Variants in PSMB7 observed in about 807,000 individuals in gnomAD.
PSMB7 encodes the protein proteasome 20S subunit beta 7, also known as proteasome subunit beta type-7.
A neutral mutation model predicts 28.1 loss-of-function variants in PSMB7; 5 were observed. The observed-to-expected ratio is 0.18, with a 90% CI of 0.09 to 0.37. PSMB7 has a LOEUF of 0.37. Among genes scored for constraint, PSMB7 ranks in the 10% least tolerant of loss-of-function variants. The pLI is 1.00. For synonymous variants in PSMB7, 122 were observed against 123.7 expected (o/e 0.99, Z 0.09); for missense variants, 275 against 346.2 (o/e 0.79, Z 1.63).
chr9:124,403,515 G>C (rs1162975971), intron 5 of PSMB7, among the ~76,000 whole-genome samples: 2 of 152,174 alleles, frequency 1.3e-5, no homozygotes, highest in Non-Finnish European at 1.5e-5. Flanking sequence ...AGCAGAGTGA[G>C]AGCCTGTCAA....
Position 124,394,350 on chromosome 9 carries a change from A to G in PSMB7, c.512-9694T>C, listed in dbSNP as rs140123268. Among the ~76,000 whole-genome samples the G allele has an allele frequency of 4.5e-4, 68 of 152,378 alleles. 1 individual carries two copies. Among genetic ancestry groups the G allele is most frequent in the African/African-American group, 1.5e-3 (63 of 41,592 alleles). ...AGGCATCAAGCACTAGGTCATAAGCATATAAAGGCACTTTCCTTTAGCAGG... is the reference window on the plus strand; with the variant it reads ...AGGCATCAAGCACTAGGTCATAAGCGTATAAAGGCACTTTCCTTTAGCAGG... On this transcript the variant is annotated intron_variant, in intron 5 of 7. Coordinates refer to ENST00000259457, the MANE Select transcript of PSMB7 (RefSeq NM_002799.4).
intron 5 of PSMB7, among the ~76,000 whole-genome samples, chr9:124,392,762 A>C (rs1372280771): frequency 6.6e-6 from 1 of 152,164 alleles, no homozygotes; most frequent in Non-Finnish European, 1.5e-5. Context: ...GGCAGCAGGA[A>C]ATGGATTTCT....
intron 4 of PSMB7, among the ~76,000 whole-genome samples, chr9:124,409,471 G>A (rs1831003758): frequency 6.6e-6 from 1 of 152,100 alleles, no homozygotes; most frequent in African/African-American, 2.4e-5. Flanking sequence ...ACTACATATA[G>A]CCAGGATAGG....
intron 5 of PSMB7, among the ~76,000 whole-genome samples, chr9:124,404,031 A>G (rs1425293237): frequency 1.3e-5 from 2 of 152,006 alleles, no homozygotes; most frequent in Non-Finnish European, 2.9e-5. Context: ...AACTGGGACT[A>G]CAGGCACACA....
intron 6 of PSMB7, among the ~76,000 whole-genome samples, chr9:124,364,412 C>A (rs1352007999): frequency 6.6e-6 from 1 of 151,288 alleles, no homozygotes; most frequent in Non-Finnish European, 1.5e-5. Context: ...GGGAAAAGAA[C>A]CAAAAGAGAC....
At chr9:124,414,693 A>G in intron 2 of PSMB7, 149 bp downstream of exon 2, 1 of 675,674 alleles carries the variant, frequency 1.5e-6, no homozygotes, top group East Asian at 2.7e-5. Flanking sequence ...ACAAAACCTG[A>G]CAAAAGCAGT....
chr9:124,395,345 A>G (rs532764761), intron 5 of PSMB7, among the ~76,000 whole-genome samples: 65 of 152,188 alleles, frequency 4.3e-4, no homozygotes, highest in African/African-American at 1.5e-3. Context: ...AAATTAAAAA[A>G]AAAAAAATCA....
intron 5 of PSMB7, among the ~76,000 whole-genome samples, chr9:124,400,158 T>C (rs531415550): frequency 3.9e-5 from 6 of 152,244 alleles, no homozygotes; most frequent in African/African-American, 1.4e-4. Flanking sequence ...GGCCTTTCAG[T>C]GCTTAACCAC....
intron 5 of PSMB7, 70 bp downstream of exon 5, chr9:124,405,247 G>T: frequency 9.3e-7 from 1 of 1,072,338 alleles, no homozygotes; most frequent in Non-Finnish European, 1.4e-6. Context: ...AGAGAAAACA[G>T]ACCAGCTCTT....
chr9:124,410,481 T>C (rs1367408583), intron 4 of PSMB7, among the ~76,000 whole-genome samples: 1 of 152,148 alleles, frequency 6.6e-6, no homozygotes, highest in Non-Finnish European at 1.5e-5. Flanking sequence ...AAAAAAGCCT[T>C]ATATATAATG....
At chr9:124,413,881 G>C in intron 3 of PSMB7, 27 bp downstream of exon 3, 1 of 1,460,814 alleles carries the variant, frequency 6.8e-7, no homozygotes, top group Non-Finnish European at 9.6e-7. Flanking sequence ...GAAAATATAA[G>C]AGTTATTCAA....
chr9:124,375,534 CA>C (rs1458135613), intron 6 of PSMB7, among the ~76,000 whole-genome samples: 1 of 152,062 alleles, frequency 6.6e-6, no homozygotes, highest in Non-Finnish European at 1.5e-5. Context: ...TCCCCCCAGA[CA>C]AACGAGATAC....
rs752410080 is a variant in PSMB7, at chr9:124,415,405, A to G, written c.21T>C (p.Tyr7=). ...AAGAGAAGCCTCCAACTGGTGGAGC[A>G]TACACCGACACAGCCGCCATCTTCC... MAAVSV[Y]APPVGGFSFD... The change falls in exon 1 of 8, where the codon TAT becomes TAC. Residue 7 remains tyrosine, a synonymous_variant. Coordinates refer to ENST00000259457, the MANE Select transcript of PSMB7 (RefSeq NM_002799.4). The G allele has an allele frequency of 3.1e-6, 5 of 1,614,190 alleles. No individual in the cohort carries two copies. The South Asian group carries it at 4.4e-5, about 14-fold the overall frequency.
intron 3 of PSMB7, among the ~76,000 whole-genome samples, chr9:124,413,034 G>T (rs950417397): frequency 6.6e-6 from 1 of 151,472 alleles, no homozygotes; most frequent in Admixed American, 6.6e-5. Context: ...AAAGGTTTCA[G>T]GCTGGGCATG....
intron 7 of PSMB7, among the ~76,000 whole-genome samples, chr9:124,354,767 C>T (rs575217197): frequency 6.6e-6 from 1 of 152,226 alleles, no homozygotes; most frequent in Non-Finnish European, 1.5e-5. Flanking sequence ...ACGCTGGAAC[C>T]TTGGTGGCAG....
chr9:124,400,221 T>G (rs778263838), intron 5 of PSMB7, among the ~76,000 whole-genome samples: 2 of 152,088 alleles, frequency 1.3e-5, no homozygotes, highest in African/African-American at 4.8e-5. Context: ...GGGTAAGGGG[T>G]GCATTGCAAA....
At chr9:124,361,333 C>G (rs531384628) in intron 6 of PSMB7, among the ~76,000 whole-genome samples, 1 of 152,144 alleles carries the variant, frequency 6.6e-6, no homozygotes, top group Non-Finnish European at 1.5e-5. Flanking sequence ...TTCCATTTAC[C>G]GCTACATGAC....
intron 4 of PSMB7, among the ~76,000 whole-genome samples, chr9:124,405,979 C>G (rs1416957508): frequency 6.6e-6 from 1 of 152,178 alleles, no homozygotes; most frequent in East Asian, 1.9e-4. Flanking sequence ...AGCCACCACA[C>G]CCAGCCCACA....
chr9:124,383,229 A>G (rs531262015), intron 6 of PSMB7, among the ~76,000 whole-genome samples: 37 of 152,360 alleles, frequency 2.4e-4, no homozygotes, highest in Non-Finnish European at 5.0e-4. Flanking sequence ...GTTCACATTG[A>G]GAAATGAGAA....
Sources: allele counts gnomAD v4.1 joint callset (sites outside exome capture counted in the v4.1 genomes callset), GRCh38; gene constraint gnomAD v4.1.1; transcripts MANE v1.5; gene names NCBI Gene and HGNC (gene_info 2026-07-23, HGNC 2026-07-21).